The following ADAMTS17 variants were observed in gnomAD, a reference collection of about 807,000 sequenced individuals.
The protein encoded by ADAMTS17 is A disintegrin and metalloproteinase with thrombospondin motifs 17.
A neutral mutation model predicts 141.5 loss-of-function variants in ADAMTS17; 113 were observed. The ratio of observed to expected loss-of-function variants is 0.80; its 90% CI spans 0.69 to 0.93. The LOEUF is 0.93. ADAMTS17 is among the 40% of genes least tolerant of loss of function. The pLI, the probability that ADAMTS17 is intolerant of heterozygous loss-of-function variation, is 0.00. For missense variants in ADAMTS17, 1,659 were observed against 1,517.9 expected (o/e 1.09, Z -1.54); for synonymous variants, 768 against 630.6 (o/e 1.22, Z -3.27).
At chr15:100,072,454 T>G (rs1340892384) in intron 15 of ADAMTS17, among the ~76,000 whole-genome samples, 1 of 151,002 alleles carries the variant, frequency 6.6e-6, no homozygotes, top group African/African-American at 2.4e-5. Context: ...GCCAAGTCAA[T>G]CCTAAGCCAA....
chr15:100,063,951 C>A (rs190417475), intron 15 of ADAMTS17, among the ~76,000 whole-genome samples: 1 of 152,134 alleles, frequency 6.6e-6, no homozygotes, highest in Non-Finnish European at 1.5e-5. Context: ...GCAGGATTTG[C>A]ACGTGTTTCA....
At chr15:100,057,693 T>G (rs2032705404) in intron 15 of ADAMTS17, among the ~76,000 whole-genome samples, 1 of 152,164 alleles carries the variant, frequency 6.6e-6, no homozygotes, top group Non-Finnish European at 1.5e-5. Flanking sequence ...CACAGGCCCA[T>G]CACCCAACCC....
intron 15 of ADAMTS17, among the ~76,000 whole-genome samples, chr15:100,058,770 G>C (rs1254922604): frequency 6.6e-6 from 1 of 152,198 alleles, no homozygotes; most frequent in African/African-American, 2.4e-5. Flanking sequence ...GTCTGTAGCG[G>C]AATGGGTGGG....
At chr15:100,200,331 T>C (rs542025939) in intron 7 of ADAMTS17, among the ~76,000 whole-genome samples, 43 of 152,064 alleles carry the variant, frequency 2.8e-4, no homozygotes, top group African/African-American at 1.0e-3. Context: ...TAGGATGACA[T>C]GGAGCCCTTG....
chr15:100,090,346 A>C (rs2035378520), intron 15 of ADAMTS17, among the ~76,000 whole-genome samples: 2 of 152,222 alleles, frequency 1.3e-5, no homozygotes, highest in Admixed American at 1.3e-4. Flanking sequence ...TCTTGAAGGA[A>C]GCTGCTGTTG....
intron 8 of ADAMTS17, among the ~76,000 whole-genome samples, chr15:100,190,708 G>A (rs561884320): frequency 8.5e-5 from 13 of 152,182 alleles, no homozygotes; most frequent in Non-Finnish European, 1.9e-4. Flanking sequence ...CCAAACACCT[G>A]GAAGAATGGG....
Position 100,341,260 on chromosome 15 carries a change from C to T in ADAMTS17, c.229G>A (p.Gly77Arg). 2.3e-6 allele frequency: 3 copies of T among 1,294,340 alleles called. No homozygotes were observed. The highest frequency in any genetic ancestry group is 2.9e-6 in the Non-Finnish European group (3 of 1,020,408). The allele number at this position is 1,294,340 out of a possible 1,614,324, so 80.2% of individuals were successfully genotyped here. ...TPPAAPRARP[G>R]ERALLLHLPA... ...AGGTGCAGCAGCAGGGCGCGCTCTC[C>T]GGGCCGGGCGCGCGGGGCGGCTGGG... The change falls in exon 2 of 22, where the codon GGA becomes AGA. Residue 77 changes from glycine (G) to arginine (R), a missense_variant. By Grantham distance (125) the Gly-to-Arg change is moderately radical (BLOSUM62 -2). Coordinates refer to ENST00000268070, the MANE Select transcript of ADAMTS17 (RefSeq NM_139057.4).
Position 100,341,954 on chromosome 15 carries a change from A to G in ADAMTS17, c.-55T>C, listed in dbSNP as rs2046382013. 4 of 1,541,854 alleles carry G rather than the reference A, an allele frequency of 2.6e-6. No individual in the cohort carries two copies. The highest frequency in any genetic ancestry group is 2.5e-5 in the East Asian group (1 of 40,710). ...CGTGGCGGCGAAGCAGGAGCGCGCT[A>G]GGCGGCGGCGCCAGCCGGAGTGAAG... On this transcript the variant is annotated 5_prime_UTR_variant, in exon 1 of 22. Coordinates refer to ENST00000268070, the MANE Select transcript of ADAMTS17 (RefSeq NM_139057.4).
chr15:100,089,910 C>A (rs1429241302), intron 15 of ADAMTS17, among the ~76,000 whole-genome samples: 1 of 149,950 alleles, frequency 6.7e-6, no homozygotes, highest in Admixed American at 6.6e-5. Context: ...TGCAGCACAC[C>A]AAGATGGCAC....
rs1009757490 is a variant in ADAMTS17 at position 99,971,890 on chromosome 15, A to C, written c.*2512T>G. 1.3e-5 allele frequency: 2 copies of C among 152,234 alleles called. No individual in the cohort carries two copies. The highest frequency in any genetic ancestry group is 2.9e-5 in the Non-Finnish European group (2 of 68,056). 9.4% of individuals were successfully genotyped at this position (152,234 alleles called of 1,614,324 possible). On this transcript the variant is annotated 3_prime_UTR_variant, in exon 22 of 22. Transcript: ENST00000268070. ...GTGATCAGCATCTAGTGGAACAAGA[A>C]TGTTTATGATGGTTTCACTGAAATC... is the stretch of plus-strand genomic sequence containing the variant.
chr15:100,281,138 T>A (rs1423811121), intron 4 of ADAMTS17, 91 bp downstream of exon 4: 1 of 1,547,056 alleles, frequency 6.5e-7, no homozygotes, highest in East Asian at 2.3e-5. Flanking sequence ...TCTTCCTCAC[T>A]TGAGGAGATG....
At chr15:100,156,790 G>C (rs182881390) in intron 8 of ADAMTS17, among the ~76,000 whole-genome samples, 85 of 152,302 alleles carry the variant, frequency 5.6e-4, no homozygotes, top group African/African-American at 1.9e-3. Context: ...TGCTTCACAA[G>C]TCTTTTACAA....
chr15:100,318,909 T>G (rs901798442), intron 3 of ADAMTS17, among the ~76,000 whole-genome samples: 2 of 152,240 alleles, frequency 1.3e-5, no homozygotes, highest in African/African-American at 4.8e-5. Context: ...CAGGGAAGTC[T>G]GTCTGCATTC....
At chr15:100,267,010 C>A (rs969777099) in intron 4 of ADAMTS17, among the ~76,000 whole-genome samples, 3 of 152,134 alleles carry the variant, frequency 2.0e-5, no homozygotes, top group African/African-American at 7.2e-5. Context: ...ACAAACAGAA[C>A]ATAAAATTTA....
chr15:100,212,144 A>G (rs2041829316), intron 7 of ADAMTS17, among the ~76,000 whole-genome samples: 1 of 152,240 alleles, frequency 6.6e-6, no homozygotes, highest in Admixed American at 6.5e-5. Context: ...TATCATCCTC[A>G]TTCACACATG....
intron 6 of ADAMTS17, among the ~76,000 whole-genome samples, chr15:100,256,269 C>T (rs1596374653): frequency 1.3e-5 from 2 of 152,334 alleles, no homozygotes; most frequent in South Asian, 4.1e-4. Context: ...TCGAGGCTGA[C>T]TTGGATCTGC....
chr15:100,324,631 T>A (rs1466818380), intron 3 of ADAMTS17, among the ~76,000 whole-genome samples: 1 of 152,160 alleles, frequency 6.6e-6, no homozygotes, highest in Non-Finnish European at 1.5e-5. Context: ...TGATTTCTTG[T>A]GGATTTGCTC....
At chr15:100,338,287 A>G (rs11247187) in intron 2 of ADAMTS17, among the ~76,000 whole-genome samples, 87,392 of 152,018 alleles carry the variant, frequency 0.57, 28,150 homozygotes, top group Middle Eastern at 0.76. Context: ...TATTCTAATA[A>G]TTCGTCTCCT....
chr15:100,228,208 G>A (rs1450390533), intron 7 of ADAMTS17, among the ~76,000 whole-genome samples: 3 of 152,144 alleles, frequency 2.0e-5, no homozygotes, highest in African/African-American at 4.8e-5. Flanking sequence ...CTCACAGTTC[G>A]GATCCTAGCC....
Sources: allele counts gnomAD v4.1 joint callset (sites outside exome capture counted in the v4.1 genomes callset), GRCh38; gene constraint gnomAD v4.1.1; transcripts MANE v1.5; gene names NCBI Gene and HGNC (gene_info 2026-07-23, HGNC 2026-07-21).